Variants in FIP1L1 observed in about 807,000 individuals in gnomAD.
The protein encoded by FIP1L1 is factor interacting with PAPOLA and CPSF1.
FIP1L1 carries 21 observed loss-of-function variants against 84.6 expected under a neutral mutation model. The observed-to-expected ratio is 0.25, with a 90% CI of 0.18 to 0.36. The LOEUF (loss-of-function observed/expected upper bound fraction) is 0.36, where lower values mean the gene tolerates loss of function less well. FIP1L1 is among the 10% of genes least tolerant of loss of function. FIP1L1 has a pLI of 1.00. For missense variants in FIP1L1, 526 were observed against 751.1 expected (o/e 0.70, Z 3.50); for synonymous variants, 263 against 242.3 (o/e 1.09, Z -0.80).
In FIP1L1 at chr4:53,453,051, C is replaced by T. The variant is rs1579194491; in HGVS notation, c.1417C>T (p.Arg473Cys). 1.9e-6 allele frequency: 3 copies of T among 1,611,790 alleles called. No individual in the cohort carries two copies. The highest frequency in any genetic ancestry group is 1.3e-5 in the African/African-American group (1 of 74,904). Residue 473 changes from arginine (R) to cysteine (C), a missense_variant, in exon 16 of 18, where the codon CGT (arginine) becomes TGT (cysteine). Around this residue, in one of 6 missense-constraint regions of FIP1L1, gnomAD observed 89 missense variants for 169.0 expected, o/e 0.53. Coordinates refer to ENST00000337488, the MANE Select transcript of FIP1L1 (RefSeq NM_030917.4). ...RERDRDRERD[R>C]DRDRERERTR... ...GAGAGACAGAGACAGAGAGCGAGAC[C>T]GTGATCGGGACAGAGAAAGAGAACG...
rs1372517864 is a variant in FIP1L1, at chr4:53,459,878, C to CATT, written c.*431_*433dup. 2 of 235,786 alleles carry CATT rather than the reference C, an allele frequency of 8.5e-6. No individual in the cohort carries two copies. The highest frequency in any genetic ancestry group is 1.7e-5 in the Non-Finnish European group (2 of 119,708). The allele number at this position is 235,786 out of a possible 1,614,324, so 14.6% of individuals were successfully genotyped here. ...GCTTGAGATTAAAACTAGTCTTTAT[C>CATT]ATTACTGCTGTGACACTCTTGCTTA... On this transcript the variant is annotated 3_prime_UTR_variant, in exon 18 of 18. Coordinates refer to ENST00000337488, the MANE Select transcript of FIP1L1 (RefSeq NM_030917.4).
At chr4:53,418,997 T>TTGGACA (rs780903548) in intron 11 of FIP1L1, among the ~76,000 whole-genome samples, 1 of 152,226 alleles carries the variant, frequency 6.6e-6, no homozygotes, top group Non-Finnish European at 1.5e-5. Context: ...TTGTAAGATT[T>TTGGACA]TATGTTATTG....
At chr4:53,391,580 T>C (rs1164958039) in intron 9 of FIP1L1, 82 bp downstream of exon 9, 1 of 988,380 alleles carries the variant, frequency 1.0e-6, no homozygotes, top group East Asian at 2.5e-5. Flanking sequence ...AGGGACAAGA[T>C]TAAAGTGGAA....
intron 10 of FIP1L1, among the ~76,000 whole-genome samples, chr4:53,409,185 C>T (rs1405657880): frequency 6.6e-6 from 1 of 152,090 alleles, no homozygotes; most frequent in Non-Finnish European, 1.5e-5. Flanking sequence ...TGTGGGTGTC[C>T]TTTCTGTTTG....
intron 10 of FIP1L1, among the ~76,000 whole-genome samples, chr4:53,409,169 T>G (rs1245521319): frequency 6.6e-6 from 1 of 152,130 alleles, no homozygotes; most frequent in Non-Finnish European, 1.5e-5. Context: ...ACAGATGGGT[T>G]TTTGGTGTGG....
intron 9 of FIP1L1, among the ~76,000 whole-genome samples, 171 bp from the exon 10 acceptor site, chr4:53,399,559 C>T (rs1426472148): frequency 6.6e-6 from 1 of 152,142 alleles, no homozygotes; most frequent in East Asian, 1.9e-4. Context: ...TCTTTGGTGC[C>T]TTTCACCTAA....
chr4:53,378,806 A>G (rs757354290), intron 1 of FIP1L1: 10 of 467,140 alleles, frequency 2.1e-5, no homozygotes, highest in Middle Eastern at 1.1e-3. Context: ...ATAGAATAGT[A>G]AAAGTGCACT....
Position 53,428,497 on chromosome 4 carries a change from G to A in FIP1L1, c.1174+314G>A, listed in dbSNP as rs141257570. ...ATACTCAGTTACAAACTTTACCAGTGTTAATTTGTTTTGAAAAAAACATTA... is the reference window on the plus strand; with the variant it reads ...ATACTCAGTTACAAACTTTACCAGTATTAATTTGTTTTGAAAAAAACATTA... On this transcript the variant is annotated intron_variant, in intron 13 of 17. Transcript: ENST00000337488. Among the ~76,000 whole-genome samples the A allele has an allele frequency of 4.0e-4, 61 of 152,218 alleles. 1 individual carries two copies. Among genetic ancestry groups the A allele is most frequent in the African/African-American group, 1.4e-3 (58 of 41,540 alleles).
chr4:53,389,883 G>A lies in FIP1L1; in HGVS notation c.397+10G>A, dbSNP rs1337314389. 1 of 1,585,372 alleles carries A rather than the reference G, an allele frequency of 6.3e-7. No homozygotes were observed. The highest frequency in any genetic ancestry group is 1.4e-5 in the African/African-American group (1 of 72,612). ...GTTTATGGAACTACAGGTAAAATTT[G>A]TATTTTCTGTTGCATCAATAGGGAA... On this transcript the variant is annotated intron_variant, in intron 6 of 17. Coordinates refer to ENST00000337488, the MANE Select transcript of FIP1L1 (RefSeq NM_030917.4).
intron 9 of FIP1L1, among the ~76,000 whole-genome samples, chr4:53,395,468 C>G (rs1746717121): frequency 6.6e-6 from 1 of 152,090 alleles, no homozygotes; most frequent in Non-Finnish European, 1.5e-5. Flanking sequence ...CAGGAAGTAC[C>G]TTAGGCTTTG....
intron 16 of FIP1L1, among the ~76,000 whole-genome samples, chr4:53,457,105 G>C (rs1719543142): frequency 6.6e-6 from 1 of 152,108 alleles, no homozygotes; most frequent in Non-Finnish European, 1.5e-5. Flanking sequence ...CATTTATTGA[G>C]TGCCTACTCT....
chr4:53,428,055 T>G lies in FIP1L1; in HGVS notation c.1046T>G (p.Val349Gly), dbSNP rs774979051. 1.2e-6 allele frequency: 2 copies of G among 1,609,956 alleles called. No individual in the cohort carries two copies. Among genetic ancestry groups the G allele is most frequent in the East Asian group, 4.5e-5 (2 of 44,870 alleles). The change falls in exon 13 of 18, where the codon GTA (valine) becomes GGA (glycine). Residue 349 changes from valine (V) to glycine (G), a missense_variant. By Grantham distance (109) the Val-to-Gly change is moderately radical. Transcript: ENST00000337488. Reference protein sequence around the residue: ...QVLSERSATEVDNNFSKPPPF... With the variant: ...QVLSERSATEGDNNFSKPPPF... ...CTTTCTGAAAGATCTGCTACTGAAG[T>G]AGACAACAATTTTAGCAAACCACCT...
At chr4:53,399,365 G>C (rs1403080218) in intron 9 of FIP1L1, among the ~76,000 whole-genome samples, 1 of 152,232 alleles carries the variant, frequency 6.6e-6, no homozygotes, top group Non-Finnish European at 1.5e-5. Context: ...GGTGAACACA[G>C]AACGGGAAAA....
intron 11 of FIP1L1, among the ~76,000 whole-genome samples, chr4:53,419,718 T>C (rs1183957871): frequency 6.6e-6 from 1 of 152,134 alleles, no homozygotes; most frequent in Non-Finnish European, 1.5e-5. Flanking sequence ...CACCTGAGAT[T>C]ACAGGTGTGA....
intron 12 of FIP1L1, among the ~76,000 whole-genome samples, chr4:53,427,170 G>T (rs62325219): frequency 0.11 from 16,789 of 152,104 alleles, 1,071 homozygotes; most frequent in East Asian, 0.16. Flanking sequence ...AAAAAACACT[G>T]CACTTAAATG....
At chr4:53,390,686 A>AT in intron 7 of FIP1L1, 58 bp downstream of exon 7, 2 of 1,186,124 alleles carry the variant, frequency 1.7e-6, no homozygotes, top group Non-Finnish European at 2.4e-6. Context: ...TCATCAGAAA[A>AT]TTTTTTTGAA....
chr4:53,392,963 G>A (rs1283469962), intron 9 of FIP1L1, among the ~76,000 whole-genome samples: 1 of 152,192 alleles, frequency 6.6e-6, no homozygotes, highest in Non-Finnish European at 1.5e-5. Flanking sequence ...TAGAAATACT[G>A]ATTTGGGAAT....
At chr4:53,412,155 G>A (rs1243440895) in intron 10 of FIP1L1, among the ~76,000 whole-genome samples, 8 of 152,098 alleles carry the variant, frequency 5.3e-5, no homozygotes, top group Admixed American at 1.3e-4. Context: ...TCATATTTGC[G>A]TTATAATTTC....
At chr4:53,419,384 T>C (rs1266847740) in intron 11 of FIP1L1, among the ~76,000 whole-genome samples, 1 of 152,206 alleles carries the variant, frequency 6.6e-6, no homozygotes, top group African/African-American at 2.4e-5. Flanking sequence ...GCTGCCACTT[T>C]ACAATGCAAA....
Sources: gnomAD v4.1 joint callset for allele counts (sites outside exome capture counted in the v4.1 genomes callset) on GRCh38, gnomAD v4.1.1 for gene constraint, gnomAD v4.1.1 regional missense constraint, MANE v1.5 for transcripts, NCBI Gene and HGNC (gene_info 2026-07-23, HGNC 2026-07-21) for gene names.